The following TENM1 variants were observed in gnomAD, a reference collection of about 807,000 sequenced individuals.
The protein encoded by TENM1 is teneurin-1.
Under a neutral mutation model 174.8 loss-of-function variants are expected in TENM1, and 35 were observed. That is an observed-to-expected ratio of 0.20 (90% CI 0.15 to 0.27). TENM1 has a LOEUF of 0.27. TENM1 is among the 10% of genes least tolerant of loss of function. TENM1 has a pLI of 1.00. For missense variants in TENM1, 1,633 were observed against 2,130.1 expected (o/e 0.77, Z 4.59); for synonymous variants, 781 against 798.7 (o/e 0.98, Z 0.37).
chrX:124,920,615 T>C (rs1275152160), intron 1 of TENM1, among the ~76,000 whole-genome samples: 2 of 111,626 alleles, frequency 1.8e-5, no homozygotes, highest in Non-Finnish European at 3.8e-5. Flanking sequence ...CTAGTTCATA[T>C]TTCCCCCCAC....
At chrX:124,781,255 T>C (rs981331743) in intron 3 of TENM1, among the ~76,000 whole-genome samples, 1 of 111,931 alleles carries the variant, frequency 8.9e-6, no homozygotes, top group African/African-American at 3.2e-5. Flanking sequence ...TACATGTTTG[T>C]TAAATGAAAG....
intron 3 of TENM1, among the ~76,000 whole-genome samples, chrX:124,843,094 G>A (rs1329637503): frequency 9.0e-6 from 1 of 111,308 alleles, no homozygotes; most frequent in Non-Finnish European, 1.9e-5. Context: ...CTGTCATTCA[G>A]AGTATCATTT....
the TENM1 span, among the ~76,000 whole-genome samples, chrX:125,128,298 G>C: frequency 1.8e-5 from 2 of 111,804 alleles, no homozygotes; most frequent in Admixed American, 1.9e-4. Context: ...CTCTGAAGGA[G>C]ACTGAGTTTC....
chrX:125,026,486 T>C, the TENM1 span, among the ~76,000 whole-genome samples: 1 of 111,850 alleles, frequency 8.9e-6, no homozygotes, highest in Non-Finnish European at 1.9e-5. Context: ...AATAAACCCC[T>C]GTCTATATAA....
intron 6 of TENM1, among the ~76,000 whole-genome samples, chrX:124,654,205 T>C (rs1430132902): frequency 1.8e-5 from 2 of 112,408 alleles, no homozygotes; most frequent in Admixed American, 9.4e-5. Flanking sequence ...GAAAGTTATT[T>C]GGTTGGAGGA....
intron 4 of TENM1, among the ~76,000 whole-genome samples, chrX:124,727,607 AT>A (rs1380237758): frequency 8.9e-6 from 1 of 111,746 alleles, no homozygotes; most frequent in Non-Finnish European, 1.9e-5. Flanking sequence ...CACCTCTTCA[AT>A]TAATTGGGTG....
intron 23 of TENM1, among the ~76,000 whole-genome samples, chrX:124,439,747 CAGA>C (rs1296917426): frequency 9.0e-6 from 1 of 111,216 alleles, no homozygotes; most frequent in East Asian, 2.8e-4. Flanking sequence ...CTTTTGTGAG[CAGA>C]AGGTCAAATA....
At chrX:124,492,585 C>T (rs2047094237) in intron 20 of TENM1, among the ~76,000 whole-genome samples, 1 of 110,058 alleles carries the variant, frequency 9.1e-6, no homozygotes, top group South Asian at 3.9e-4. Flanking sequence ...TGTGTGCTGA[C>T]ATAAACTGGT....
the TENM1 span, among the ~76,000 whole-genome samples, chrX:125,017,657 T>C: frequency 1.8e-5 from 2 of 110,334 alleles, no homozygotes; most frequent in Non-Finnish European, 3.8e-5. Context: ...ATAAAGAAAA[T>C]GTGGCACATC....
rs777768020 is a variant in TENM1 at position 124,446,301 on chromosome X, C to G, written c.4104+7036G>C. ...TATGGTCATAGCACAATATATAATCCCTCCGACTAACAGTTTTCTCCTCTG... is the reference window on the plus strand; with the variant it reads ...TATGGTCATAGCACAATATATAATCGCTCCGACTAACAGTTTTCTCCTCTG... On this transcript the variant is annotated intron_variant, in intron 23 of 31. Coordinates refer to ENST00000422452, the Ensembl canonical transcript of TENM1. Among the ~76,000 whole-genome samples the G allele has an allele frequency of 2.7e-5, 3 of 112,221 alleles. No individual in the cohort carries two copies. In the Admixed American group the frequency reaches 2.8e-4, roughly 11 times the overall value.
the TENM1 span, among the ~76,000 whole-genome samples, chrX:125,044,649 A>G: frequency 9.0e-6 from 1 of 111,071 alleles, no homozygotes; most frequent in African/African-American, 3.3e-5. Context: ...AGTATTATCA[A>G]TAACCACAAC....
chrX:124,742,436 T>C (rs1275902462), intron 3 of TENM1, among the ~76,000 whole-genome samples: 1 of 111,368 alleles, frequency 9.0e-6, no homozygotes, highest in Non-Finnish European at 1.9e-5. Flanking sequence ...CTGAAATGCT[T>C]TGAGGATATT....
chrX:124,955,793 G>GCACACACACA (rs955862260), intron 1 of TENM1, among the ~76,000 whole-genome samples: 10 of 78,110 alleles, frequency 1.3e-4, no homozygotes, highest in Non-Finnish European at 2.0e-4. Flanking sequence ...CAACACACGC[G>GCACACACACA]CACGCACACA....
At chrX:124,713,046 C>T (rs2053096719) in intron 4 of TENM1, among the ~76,000 whole-genome samples, 1 of 111,402 alleles carries the variant, frequency 9.0e-6, no homozygotes, top group Non-Finnish European at 1.9e-5. Context: ...CTTCCAAATA[C>T]TAAGCCACCT....
chrX:124,722,347 G>A (rs765742104), intron 4 of TENM1, among the ~76,000 whole-genome samples: 1 of 111,611 alleles, frequency 9.0e-6, no homozygotes, highest in African/African-American at 3.3e-5. Context: ...AGTGTTTTTT[G>A]TATGCCAGAT....
intron 4 of TENM1, among the ~76,000 whole-genome samples, chrX:124,735,228 G>A (rs1432206078): frequency 9.0e-6 from 1 of 111,668 alleles, no homozygotes; most frequent in Non-Finnish European, 1.9e-5. Flanking sequence ...GAATCTACAA[G>A]GAACTTAAAC....
chrX:124,825,730 C>T (rs2056145328), intron 3 of TENM1, among the ~76,000 whole-genome samples: 1 of 111,804 alleles, frequency 8.9e-6, no homozygotes, highest in Non-Finnish European at 1.9e-5. Flanking sequence ...AAACATGCAT[C>T]GATACTTAAT....
intron 15 of TENM1, among the ~76,000 whole-genome samples, chrX:124,546,666 C>G (rs752697012): frequency 9.0e-6 from 1 of 111,658 alleles, no homozygotes; most frequent in Non-Finnish European, 1.9e-5. Context: ...CACAAACATA[C>G]ACACATAATT....
chrX:124,925,068 T>C (rs1260305161), intron 1 of TENM1, among the ~76,000 whole-genome samples: 1 of 109,611 alleles, frequency 9.1e-6, no homozygotes, highest in African/African-American at 3.3e-5. Flanking sequence ...GATCCCATTG[T>C]TTACTGCTAT....
Sources: gnomAD v4.1 joint callset for allele counts (sites outside exome capture counted in the v4.1 genomes callset) on GRCh38, gnomAD v4.1.1 for gene constraint, MANE v1.5 for transcripts, NCBI Gene and HGNC (gene_info 2026-07-23, HGNC 2026-07-21) for gene names.